C3orf49: variants seen among roughly 807,000 people sequenced by gnomAD.
C3orf49 encodes chromosome 3 open reading frame 49.
Under a neutral mutation model 13.3 loss-of-function variants are expected in C3orf49, and 27 were observed. That is an observed-to-expected ratio of 2.02 (90% CI 1.49 to 2.79). C3orf49 has a LOEUF of 2.79. Among genes scored for constraint, C3orf49 ranks in the 30% most tolerant of loss-of-function variants. The probability of loss-of-function intolerance (pLI) is 0.00; values close to 1 mark genes in which losing one functional copy is unlikely to be tolerated. For missense variants in C3orf49, 242 were observed against 134.2 expected (o/e 1.80, Z -3.97); for synonymous variants, 87 against 47.6 (o/e 1.83, Z -3.40).
intron 3 of C3orf49, among the ~76,000 whole-genome samples, chr3:63,830,286 T>A (rs997227417): frequency 6.6e-6 from 1 of 152,172 alleles, no homozygotes; most frequent in African/African-American, 2.4e-5. Flanking sequence ...GAAAAAGTAC[T>A]GGGTTTTATG....
the C3orf49 span, among the ~76,000 whole-genome samples, chr3:63,809,836 T>C: frequency 2.0e-5 from 3 of 152,172 alleles, no homozygotes; most frequent in Non-Finnish European, 4.4e-5. Context: ...GTAAACATAA[T>C]TGCGGTTTTT....
upstream of C3orf49, among the ~76,000 whole-genome samples, chr3:63,816,924 T>C (rs7630181): frequency 0.082 from 12,500 of 151,660 alleles, 1,216 homozygotes; most frequent in African/African-American, 0.23. Context: ...AGGCACCCGT[T>C]ACCACGCCCG....
the C3orf49 span, among the ~76,000 whole-genome samples, chr3:63,786,833 C>G: frequency 2.6e-5 from 4 of 152,306 alleles, no homozygotes; most frequent in African/African-American, 9.6e-5. Flanking sequence ...AGTGTTTAGT[C>G]ACTTTACATC....
At chr3:63,796,565 C>T in the C3orf49 span, among the ~76,000 whole-genome samples, 1 of 152,120 alleles carries the variant, frequency 6.6e-6, no homozygotes, top group Admixed American at 6.6e-5. Context: ...TTGTCAGCAA[C>T]ATTCTACCCC....
chr3:63,816,962 A>G (rs1701331767), upstream of C3orf49, among the ~76,000 whole-genome samples: 1 of 151,642 alleles, frequency 6.6e-6, no homozygotes, highest in Non-Finnish European at 1.5e-5. Flanking sequence ...TTTAGTAGAG[A>G]TGGGGGTTTC....
the C3orf49 span, chr3:63,783,207 T>C: frequency 6.6e-6 from 1 of 152,008 alleles, no homozygotes; most frequent in Non-Finnish European, 1.5e-5. Context: ...TTCAGAAAAA[T>C]AAAAAATATA....
the C3orf49 span, among the ~76,000 whole-genome samples, chr3:63,793,845 G>C: frequency 6.6e-6 from 1 of 152,046 alleles, no homozygotes; most frequent in Non-Finnish European, 1.5e-5. Flanking sequence ...ATATGCTTGG[G>C]ACAAATAAGC....
chr3:63,804,255 C>G, the C3orf49 span, among the ~76,000 whole-genome samples: 1 of 152,084 alleles, frequency 6.6e-6, no homozygotes, highest in East Asian at 1.9e-4. Context: ...TTATAGTGAA[C>G]AATCAGCCTG....
Position 63,831,170 on chromosome 3 carries a change from A to G in C3orf49, c.631A>G (p.Met211Val), listed in dbSNP as rs1313018486. The change falls in exon 4 of 7, where the codon ATG (methionine) becomes GTG (valine). Residue 211 changes from methionine (M) to valine (V), a missense_variant. Physicochemically the swap from Met to Val is conservative, Grantham distance 21. Coordinates refer to ENST00000295896, the MANE Select transcript of C3orf49 (RefSeq NM_001355236.2). ...AGCACTTAAAAAAAAGAAGCGTGGCATGGAAAACATCCTTCGAAAATCAGA... is the reference window on the plus strand; with the variant it reads ...AGCACTTAAAAAAAAGAAGCGTGGCGTGGAAAACATCCTTCGAAAATCAGA... ...FPALKKKKRG[M>V]ENILRKSDLT... 1 of 703,092 alleles carries G rather than the reference A, an allele frequency of 1.4e-6. No individual in the cohort carries two copies. The highest frequency in any genetic ancestry group is 1.5e-5 in the South Asian group (1 of 67,598). 43.6% of individuals were successfully genotyped at this position (703,092 alleles called of 1,614,324 possible). A position where few individuals can be genotyped will look rare whatever the true frequency, so the allele number is the denominator to read the frequency against.
At chr3:63,830,208 T>C (rs1177497650) in intron 3 of C3orf49, among the ~76,000 whole-genome samples, 1 of 152,208 alleles carries the variant, frequency 6.6e-6, no homozygotes, top group Non-Finnish European at 1.5e-5. Context: ...TTTACCATAG[T>C]TGTATTCAAT....
At chr3:63,836,428 A>G in intron 5 of C3orf49, 3 of 1,442,264 alleles carry the variant, frequency 2.1e-6, no homozygotes, top group East Asian at 2.3e-5. Context: ...AAAATGTGTA[A>G]TATCACAAAC....
chr3:63,802,104 C>A, the C3orf49 span, among the ~76,000 whole-genome samples: 1 of 152,172 alleles, frequency 6.6e-6, no homozygotes, highest in Non-Finnish European at 1.5e-5. Flanking sequence ...CCTGCCTATG[C>A]AACCCCACTT....
At chr3:63,781,752 G>T in the C3orf49 span, among the ~76,000 whole-genome samples, 19 of 152,316 alleles carry the variant, frequency 1.2e-4, no homozygotes, top group Non-Finnish European at 1.8e-4. Flanking sequence ...GCAATGATAA[G>T]AGTGGAAATT....
At chr3:63,800,045 A>C in the C3orf49 span, among the ~76,000 whole-genome samples, 2,702 of 152,278 alleles carry the variant, frequency 0.018, 67 homozygotes, top group African/African-American at 0.059. Context: ...ACTAGAAGGG[A>C]AGCAATTACC....
intron 2 of C3orf49, 124 bp downstream of exon 2, chr3:63,823,693 G>A (rs1312807976): frequency 6.6e-6 from 4 of 606,284 alleles, no homozygotes; most frequent in Admixed American, 2.9e-5. Flanking sequence ...AGAATCTCAG[G>A]CCCTACCTGG....
At chr3:63,825,278 C>T (rs1701452108) in intron 2 of C3orf49, among the ~76,000 whole-genome samples, 2 of 151,648 alleles carry the variant, frequency 1.3e-5, no homozygotes, top group Non-Finnish European at 2.9e-5. Context: ...ACACCATGAT[C>T]AGGCAACAAA....
At position 63,845,789 on chromosome 3, in the gene C3orf49, G is replaced by C. The variant is rs576886388; in HGVS notation, c.*30+707G>C. Among the ~76,000 whole-genome samples, 204 of 152,272 alleles carry C rather than the reference G, an allele frequency of 1.3e-3. 3 individuals are homozygous for C. Among genetic ancestry groups the C allele is most frequent in the Admixed American group, 3.3e-3 (50 of 15,310 alleles). Reference sequence around the variant, plus strand: ...GTTTCTTTAATTTCTAAAGATCTGAGTACCCTCCCTTCTGGCCAGTCTGCC... The same window carrying C: ...GTTTCTTTAATTTCTAAAGATCTGACTACCCTCCCTTCTGGCCAGTCTGCC... On this transcript the variant is annotated intron_variant, in intron 6 of 6. Transcript: ENST00000295896.
At chr3:63,823,605 G>A in intron 2 of C3orf49, 36 bp downstream of exon 2, 1 of 672,702 alleles carries the variant, frequency 1.5e-6, no homozygotes, top group Non-Finnish European at 2.7e-6. Context: ...TTGGGTTGAG[G>A]CCAAGAGGAA....
intron 1 of C3orf49, among the ~76,000 whole-genome samples, chr3:63,821,955 G>T (rs1317207467): frequency 6.6e-6 from 1 of 151,994 alleles, no homozygotes; most frequent in Non-Finnish European, 1.5e-5. Context: ...AGAGCACACA[G>T]AATCTCCCTG....
Sources: allele counts gnomAD v4.1 joint callset (sites outside exome capture counted in the v4.1 genomes callset), GRCh38; gene constraint gnomAD v4.1.1; transcripts MANE v1.5; gene names NCBI Gene and HGNC (gene_info 2026-07-23, HGNC 2026-07-21).